Variants in VEPH1 observed in about 807,000 individuals in gnomAD.
The protein encoded by VEPH1 is ventricular zone-expressed PH domain-containing protein homolog 1.
Under a neutral mutation model 85.2 loss-of-function variants are expected in VEPH1, and 80 were observed. The observed-to-expected ratio is 0.94, with a 90% CI of 0.78 to 1.13. The LOEUF (loss-of-function observed/expected upper bound fraction) is 1.13. Ranked by LOEUF, VEPH1 falls within the 50% of genes most tolerant of loss-of-function variation. VEPH1 has a pLI of 0.00. For missense variants in VEPH1, 955 were observed against 980.5 expected (o/e 0.97, Z 0.35); for synonymous variants, 297 against 348.0 (o/e 0.85, Z 1.63).
intron 4 of VEPH1, chr3:157,443,133 T>A: frequency 1.2e-6 from 1 of 847,756 alleles, no homozygotes; most frequent in Non-Finnish European, 1.7e-6. Flanking sequence ...GGCCAAATAC[T>A]GAATAAACAG....
intron 2 of VEPH1, among the ~76,000 whole-genome samples, chr3:157,490,588 TA>T (rs942189084): frequency 5.3e-5 from 8 of 151,930 alleles, no homozygotes; most frequent in African/African-American, 1.2e-4. Flanking sequence ...TCACTTAGAT[TA>T]AAAAAAACTT....
At chr3:157,346,938 T>TCAAA (rs1724293919) in intron 9 of VEPH1, among the ~76,000 whole-genome samples, 1 of 152,204 alleles carries the variant, frequency 6.6e-6, no homozygotes, top group African/African-American at 2.4e-5. Flanking sequence ...TAAATCCTTT[T>TCAAA]ATTTATATAG....
Position 157,297,986 on chromosome 3 carries a change from C to T in VEPH1, c.2011-11312G>A, listed in dbSNP as rs115534800. On this transcript the variant is annotated intron_variant, in intron 11 of 13. Transcript: ENST00000362010. ...ATGAGGTACCCAGGCCCTGATCAGA[C>T]ATAGACCATGGCACTCAGTTCTTAC... is the stretch of plus-strand genomic sequence containing the variant. Among the ~76,000 whole-genome samples, 958 of 152,164 alleles carry T rather than the reference C, an allele frequency of 6.3e-3. 18 individuals are homozygous for T. Among genetic ancestry groups the T allele is most frequent in the African/African-American group, 0.022 (900 of 41,518 alleles).
intron 12 of VEPH1, among the ~76,000 whole-genome samples, chr3:157,274,700 A>C (rs568180796): frequency 1.8e-4 from 28 of 152,172 alleles, no homozygotes; most frequent in African/African-American, 5.3e-4. Flanking sequence ...GGGTCTTACC[A>C]TGCTGCCCAG....
chr3:157,442,831 T>A (rs1223763451), intron 4 of VEPH1: 1 of 1,614,192 alleles, frequency 6.2e-7, no homozygotes, highest in South Asian at 1.1e-5. Context: ...TCTGGGAGAC[T>A]CACAGGCTTC....
chr3:157,352,415 A>T (rs565027624), intron 9 of VEPH1, among the ~76,000 whole-genome samples: 1 of 152,190 alleles, frequency 6.6e-6, no homozygotes, highest in Non-Finnish European at 1.5e-5. Flanking sequence ...GGTGAACAAA[A>T]CTGTTAGAAT....
chr3:157,318,659 AGAAAAG>A, intron 9 of VEPH1, among the ~76,000 whole-genome samples: 1 of 151,692 alleles, frequency 6.6e-6, no homozygotes, highest in East Asian at 1.9e-4. Context: ...AAAGAATGAA[AGAAAAG>A]GAAAGAAAGA....
At chr3:157,293,324 C>G (rs940716292) in intron 11 of VEPH1, among the ~76,000 whole-genome samples, 5 of 152,126 alleles carry the variant, frequency 3.3e-5, no homozygotes, top group African/African-American at 1.2e-4. Flanking sequence ...TATTTCTATG[C>G]CTAATTAGTA....
At chr3:157,473,497 T>C (rs1260985676) in intron 2 of VEPH1, among the ~76,000 whole-genome samples, 1 of 152,124 alleles carries the variant, frequency 6.6e-6, no homozygotes, top group African/African-American at 2.4e-5. Context: ...GAGATCTATA[T>C]ATTTTATATA....
chr3:157,305,554 T>C (rs1384549837), intron 11 of VEPH1, among the ~76,000 whole-genome samples: 1 of 152,226 alleles, frequency 6.6e-6, no homozygotes. Context: ...ACTTTTTGTG[T>C]TTGTTTATCT....
chr3:157,496,654 T>C (rs1739688938), intron 1 of VEPH1, among the ~76,000 whole-genome samples: 1 of 152,094 alleles, frequency 6.6e-6, no homozygotes, highest in Admixed American at 6.5e-5. Context: ...AATCTATTGT[T>C]TCCTTGGGTA....
rs1726387259 is a variant in VEPH1, at chr3:157,364,299, A to G, written c.1337+4T>C. ...ATTTAAAAAACAAACCAAACGAGTT[A>G]TACCTGTTAAATCTAATGTTTTTTC... On this transcript the variant is annotated splice_donor_region_variant and intron_variant, in intron 8 of 13. Coordinates refer to ENST00000362010, the MANE Select transcript of VEPH1 (RefSeq NM_001167912.2). The G allele has an allele frequency of 6.3e-7, 1 of 1,598,452 alleles. No individual in the cohort carries two copies. The highest frequency in any genetic ancestry group is 1.3e-5 in the African/African-American group (1 of 74,296).
chr3:157,381,720 G>T, intron 6 of VEPH1: 1 of 193,598 alleles, frequency 5.2e-6, no homozygotes, highest in South Asian at 1.2e-4. Flanking sequence ...CTCGGTCTCA[G>T]AAAAAAAAAA....
Position 157,381,259 on chromosome 3 carries a change from A to G in VEPH1, c.1024T>C (p.Leu342=). ...AAGATGTCTCTGCTCTGAGGGCCCA[A>G]GATTGAGGAGAAGGTGTCGGTGATG... The part of the protein sequence containing the change: ...KSITDTFSSI[L]GPQSRDIFRM... The change falls in exon 7 of 14, where the codon TTG becomes CTG. Residue 342 remains leucine (L), a synonymous_variant. Transcript: ENST00000362010. The G allele has an allele frequency of 6.2e-7, 1 of 1,614,084 alleles. No individual in the cohort carries two copies. The highest frequency in any genetic ancestry group is 8.5e-7 in the Non-Finnish European group (1 of 1,180,010).
Position 157,488,360 on chromosome 3 carries a change from C to G in VEPH1, c.138+6852G>C, listed in dbSNP as rs148564215. 1.5e-3 allele frequency among the ~76,000 whole-genome samples: 225 copies of G among 152,234 alleles called. 1 individual carries two copies. The highest frequency in any genetic ancestry group is 5.1e-3 in the African/African-American group (213 of 41,556). On this transcript the variant is annotated intron_variant, in intron 2 of 13. Coordinates refer to ENST00000362010, the MANE Select transcript of VEPH1 (RefSeq NM_001167912.2). ...TCCAGTCATAATGACCTTCATGTGT[C>G]TGAACCTCAGTCAATTCTCAGTCTT...
At chr3:157,388,608 C>T (rs1331534998) in intron 6 of VEPH1, among the ~76,000 whole-genome samples, 1 of 152,150 alleles carries the variant, frequency 6.6e-6, no homozygotes, top group Non-Finnish European at 1.5e-5. Context: ...TGATATATCA[C>T]TCTATATGCT....
At chr3:157,326,318 T>A (rs891747000) in intron 9 of VEPH1, among the ~76,000 whole-genome samples, 1 of 152,160 alleles carries the variant, frequency 6.6e-6, no homozygotes, top group Non-Finnish European at 1.5e-5. Flanking sequence ...TCCAGTTAAG[T>A]CTCCACCTAT....
At chr3:157,417,068 G>GTT (rs562847287) in intron 5 of VEPH1, among the ~76,000 whole-genome samples, 4 of 145,882 alleles carry the variant, frequency 2.7e-5, no homozygotes, top group African/African-American at 7.5e-5. Flanking sequence ...AACAAAAGTT[G>GTT]TTTTTTTTTT....
chr3:157,449,329 G>C (rs937842289), intron 4 of VEPH1, among the ~76,000 whole-genome samples: 2 of 152,076 alleles, frequency 1.3e-5, no homozygotes, highest in Non-Finnish European at 2.9e-5. Context: ...CTAAAGAAGA[G>C]ACTTAGATTT....
Sources: allele counts gnomAD v4.1 joint callset (sites outside exome capture counted in the v4.1 genomes callset), GRCh38; gene constraint gnomAD v4.1.1; transcripts MANE v1.5; gene names NCBI Gene and HGNC (gene_info 2026-07-23, HGNC 2026-07-21).